IL1RAPL1: variants seen among roughly 807,000 people sequenced by gnomAD.
IL1RAPL1 encodes interleukin-1 receptor accessory protein-like 1.
IL1RAPL1 carries 3 observed loss-of-function variants against 48.4 expected under a neutral mutation model. That is an observed-to-expected ratio of 0.06 (90% CI 0.03 to 0.16). The LOEUF (loss-of-function observed/expected upper bound fraction) is 0.16, where lower values mean the gene tolerates loss of function less well. Among genes scored for constraint, IL1RAPL1 ranks in the 10% least tolerant of loss-of-function variants. IL1RAPL1 has a pLI of 1.00. For synonymous variants in IL1RAPL1, 185 were observed against 187.7 expected, an observed-to-expected ratio of 0.99 and a Z score of 0.12; for missense variants, 349 against 530.6, an observed-to-expected ratio of 0.66 and a Z score of 3.36.
intron 3 of IL1RAPL1, among the ~76,000 whole-genome samples, chrX:29,302,224 G>A (rs1932546910): frequency 9.0e-6 from 1 of 111,570 alleles, no homozygotes; most frequent in Admixed American, 9.6e-5. Flanking sequence ...GTTGTTTTTG[G>A]CCAGGTGATG....
chrX:29,161,655 A>T (rs1929686889), intron 2 of IL1RAPL1, among the ~76,000 whole-genome samples: 1 of 112,586 alleles, frequency 8.9e-6, no homozygotes, highest in Non-Finnish European at 1.9e-5. Flanking sequence ...ATTCTTCTGT[A>T]TGCTATAGTG....
Position 29,283,213 on chromosome X carries a change from A to G in IL1RAPL1, c.358A>G (p.Ile120Val). 2 of 1,210,273 alleles carry G rather than the reference A, an allele frequency of 1.7e-6. No homozygotes were observed. Among genetic ancestry groups the G allele is most frequent in the African/African-American group, 1.7e-5 (1 of 57,816 alleles). ...LQDSGLYACV[I>V]RNSTYCMKVS... ...GGACAGTGGTCTCTACGCCTGTGTCATCAGGTATCCCTTTAATTCTATTAC... is the reference window on the plus strand; with the variant it reads ...GGACAGTGGTCTCTACGCCTGTGTCGTCAGGTATCCCTTTAATTCTATTAC... Residue 120 changes from isoleucine to valine, a missense_variant, in exon 3 of 11, where the codon ATC (isoleucine) becomes GTC (valine). Physicochemically the swap from Ile to Val is conservative, Grantham distance 29. Coordinates refer to ENST00000378993, the MANE Select transcript of IL1RAPL1 (RefSeq NM_014271.4).
At chrX:29,884,966 A>G (rs1932116864) in intron 6 of IL1RAPL1, among the ~76,000 whole-genome samples, 1 of 111,354 alleles carries the variant, frequency 9.0e-6, no homozygotes, top group African/African-American at 3.3e-5. Context: ...TGTTGCTCCA[A>G]AGCTCTCTGT....
intron 2 of IL1RAPL1, among the ~76,000 whole-genome samples, chrX:29,043,639 T>C (rs1926893364): frequency 9.0e-6 from 1 of 111,440 alleles, no homozygotes; most frequent in Admixed American, 9.6e-5. Context: ...TTCTCCTTTA[T>C]TTCATGAACA....
At chrX:29,782,887 CATTTTT>C (rs1929382216) in intron 6 of IL1RAPL1, among the ~76,000 whole-genome samples, 1 of 59,856 alleles carries the variant, frequency 1.7e-5, no homozygotes, top group African/African-American at 6.5e-5. Context: ...TTGATCGTGA[CATTTTT>C]TTTTTTTTTT....
chrX:29,049,283 G>A (rs778403745), intron 2 of IL1RAPL1, among the ~76,000 whole-genome samples: 11 of 112,330 alleles, frequency 9.8e-5, no homozygotes, highest in African/African-American at 2.3e-4. Flanking sequence ...TGTTCCCTCC[G>A]CTTCTTTCTA....
At chrX:28,979,177 A>G (rs973432500) in intron 2 of IL1RAPL1, among the ~76,000 whole-genome samples, 9 of 111,868 alleles carry the variant, frequency 8.0e-5, no homozygotes, top group African/African-American at 2.3e-4. Context: ...AGTTATGACA[A>G]GCATCATATG....
At chrX:28,737,147 TTCC>T (rs1935841268) in intron 1 of IL1RAPL1, among the ~76,000 whole-genome samples, 4 of 30,886 alleles carry the variant, frequency 1.3e-4, no homozygotes, top group East Asian at 2.4e-3. Context: ...CCTTCCTTCC[TTCC>T]TTCCTTCCTT....
At chrX:28,970,798 G>A (rs771211062) in intron 2 of IL1RAPL1, among the ~76,000 whole-genome samples, 1 of 111,340 alleles carries the variant, frequency 9.0e-6, no homozygotes, top group South Asian at 3.7e-4. Context: ...AATACTGCGT[G>A]CTATAGGCTT....
chrX:28,704,796 T>TCACACACA (rs201309320), intron 1 of IL1RAPL1, among the ~76,000 whole-genome samples: 2 of 50,566 alleles, frequency 4.0e-5, no homozygotes, highest in African/African-American at 2.0e-4. Context: ...AGGTTTGAGT[T>TCACACACA]CACACACACA....
chrX:29,874,831 T>C (rs1206397658), intron 6 of IL1RAPL1, among the ~76,000 whole-genome samples: 1 of 112,467 alleles, frequency 8.9e-6, no homozygotes, highest in African/African-American at 3.2e-5. Context: ...AGGTGCTATA[T>C]GTATCTTCTG....
chrX:29,786,099 C>T (rs1210730706), intron 6 of IL1RAPL1, among the ~76,000 whole-genome samples: 2 of 109,998 alleles, frequency 1.8e-5, no homozygotes, highest in Non-Finnish European at 3.8e-5. Flanking sequence ...AAAATAGAAA[C>T]AGGAATGAAT....
intron 2 of IL1RAPL1, among the ~76,000 whole-genome samples, chrX:29,053,853 A>C (rs1045292818): frequency 9.0e-5 from 10 of 111,333 alleles, no homozygotes; most frequent in African/African-American, 2.9e-4. Flanking sequence ...TGTTTTCTTC[A>C]ACTTTGTCGA....
chrX:28,784,878 C>T (rs1270316460), intron 1 of IL1RAPL1, among the ~76,000 whole-genome samples: 1 of 111,632 alleles, frequency 9.0e-6, no homozygotes, highest in Non-Finnish European at 1.9e-5. Flanking sequence ...CTCTGAATCT[C>T]TTTTGCCTCA....
chrX:28,886,401 T>C (rs1922631853), intron 2 of IL1RAPL1, among the ~76,000 whole-genome samples: 2 of 109,773 alleles, frequency 1.8e-5, no homozygotes, highest in African/African-American at 3.3e-5. Context: ...AAACCCTGTG[T>C]TCTTTGTGTA....
intron 5 of IL1RAPL1, among the ~76,000 whole-genome samples, chrX:29,462,346 C>T (rs1186312985): frequency 9.0e-6 from 1 of 111,371 alleles, no homozygotes; most frequent in African/African-American, 3.3e-5. Flanking sequence ...TATAATTGCT[C>T]TGTGATAAAG....
chrX:28,777,029 G>A (rs181964827), intron 1 of IL1RAPL1, among the ~76,000 whole-genome samples: 35 of 111,840 alleles, frequency 3.1e-4, no homozygotes, highest in Non-Finnish European at 5.7e-5. Flanking sequence ...CAAACTTCGT[G>A]GCTCAAAACA....
chrX:29,807,190 A>G (rs978372570), intron 6 of IL1RAPL1, among the ~76,000 whole-genome samples: 2 of 110,160 alleles, frequency 1.8e-5, no homozygotes, highest in African/African-American at 3.3e-5. Flanking sequence ...ATATTAAATT[A>G]TATATATATA....
intron 5 of IL1RAPL1, among the ~76,000 whole-genome samples, chrX:29,433,013 A>AT (rs1252242670): frequency 1.8e-5 from 2 of 109,806 alleles, no homozygotes; most frequent in East Asian, 5.7e-4. Flanking sequence ...TTTTTTAGTT[A>AT]TTTTTTCCTG....
Sources: gnomAD v4.1 joint callset for allele counts (sites outside exome capture counted in the v4.1 genomes callset) on GRCh38, gnomAD v4.1.1 for gene constraint, MANE v1.5 for transcripts, NCBI Gene and HGNC (gene_info 2026-07-23, HGNC 2026-07-21) for gene names.